The following FHAD1 variants were observed in gnomAD, a reference collection of about 807,000 sequenced individuals.
FHAD1 encodes forkhead associated phosphopeptide binding domain 1, also known as forkhead-associated domain-containing protein 1.
In FHAD1, 146 loss-of-function variants were observed where a neutral mutation model predicts 191.3. The observed-to-expected ratio is 0.76, with a 90% CI of 0.67 to 0.88. FHAD1 has a LOEUF of 0.88. FHAD1 is among the 40% of genes least tolerant of loss of function. FHAD1 has a pLI of 0.00. For synonymous variants in FHAD1, 616 were observed against 672.3 expected, an observed-to-expected ratio of 0.92 and a Z score of 1.29; for missense variants, 1,635 against 1,785.8, an observed-to-expected ratio of 0.92 and a Z score of 1.52.
At chr1:15,372,830 C>T (rs1030830979) in intron 26 of FHAD1, among the ~76,000 whole-genome samples, 3 of 152,186 alleles carry the variant, frequency 2.0e-5, no homozygotes, top group Non-Finnish European at 2.9e-5. Context: ...CAAATGAAAA[C>T]GGTTCCCAAC....
At chr1:15,273,533 A>G (rs1657017198) in intron 3 of FHAD1, among the ~76,000 whole-genome samples, 1 of 152,120 alleles carries the variant, frequency 6.6e-6, no homozygotes, top group Non-Finnish European at 1.5e-5. Context: ...ATAGAAGTAT[A>G]ATTTATGCAG....
intron 7 of FHAD1, among the ~76,000 whole-genome samples, chr1:15,309,815 C>G (rs1671693904): frequency 6.6e-6 from 1 of 152,104 alleles, no homozygotes; most frequent in Non-Finnish European, 1.5e-5. Flanking sequence ...GCAGGGATAT[C>G]TCTGAGGAGG....
upstream of FHAD1, among the ~76,000 whole-genome samples, chr1:15,245,562 T>C (rs1400683106): frequency 6.6e-6 from 1 of 152,272 alleles, no homozygotes. Context: ...GGCAGAAACG[T>C]GTGGGAAGCT....
At chr1:15,333,809 CTTTAT>C in intron 14 of FHAD1, among the ~76,000 whole-genome samples, 1 of 108,960 alleles carries the variant, frequency 9.2e-6, no homozygotes, top group Admixed American at 9.0e-5. Flanking sequence ...TGATTACCAT[CTTTAT>C]TTTATTTATC....
intron 4 of FHAD1, among the ~76,000 whole-genome samples, chr1:15,294,370 C>A (rs532107872): frequency 4.6e-5 from 7 of 152,204 alleles, no homozygotes; most frequent in African/African-American, 1.7e-4. Flanking sequence ...CATTTGGGGC[C>A]AGATAATTGT....
At chr1:15,319,126 A>G (rs1238943796) in intron 10 of FHAD1, among the ~76,000 whole-genome samples, 1 of 152,186 alleles carries the variant, frequency 6.6e-6, no homozygotes, top group Non-Finnish European at 1.5e-5. Context: ...CACCACGCCC[A>G]ACCACAACTG....
At chr1:15,262,702 A>G (rs535474252) in intron 2 of FHAD1, among the ~76,000 whole-genome samples, 1 of 152,332 alleles carries the variant, frequency 6.6e-6, no homozygotes, top group South Asian at 2.1e-4. Flanking sequence ...TTGTCTGTCC[A>G]TGGACACCTG....
intron 33 of FHAD1, among the ~76,000 whole-genome samples, chr1:15,395,858 ATTC>A (rs1417933705): frequency 2.0e-5 from 3 of 152,126 alleles, no homozygotes; most frequent in Admixed American, 6.5e-5. Context: ...GCCCAAGACT[ATTC>A]TTCTTCCAGT....
intron 24 of FHAD1, 53 bp downstream of exon 24, chr1:15,365,986 G>A (rs2102751538): frequency 2.3e-6 from 3 of 1,286,024 alleles, no homozygotes; most frequent in East Asian, 2.5e-5. Context: ...GAGAAAGGAA[G>A]GAGATGAGGC....
At chr1:15,282,138 G>A (rs1415379562) in intron 3 of FHAD1, among the ~76,000 whole-genome samples, 1 of 152,096 alleles carries the variant, frequency 6.6e-6, no homozygotes, top group Non-Finnish European at 1.5e-5. Context: ...CCCTGCCCCA[G>A]CCCCAGAATC....
At chr1:15,378,209 C>T (rs1410699156) in intron 28 of FHAD1, among the ~76,000 whole-genome samples, 1 of 152,126 alleles carries the variant, frequency 6.6e-6, no homozygotes, top group Non-Finnish European at 1.5e-5. Flanking sequence ...CACTTGAACC[C>T]GGGAGGCAGA....
At chr1:15,388,440 A>T (rs902755633) in intron 32 of FHAD1, 2 of 1,182,610 alleles carry the variant, frequency 1.7e-6, no homozygotes, top group Non-Finnish European at 2.1e-6. Flanking sequence ...GGCAGAGGGG[A>T]TATTCCAGCA....
chr1:15,390,778 C>T lies in FHAD1; in HGVS notation c.4270-432C>T, dbSNP rs186130191. ...TTCAAACAGGCCCCTAAAGGGAGTTCAACCATCATGGGCCCCACCATCCCT... is the reference window on the plus strand; with the variant it reads ...TTCAAACAGGCCCCTAAAGGGAGTTTAACCATCATGGGCCCCACCATCCCT... On this transcript the variant is annotated intron_variant, in intron 32 of 33. Coordinates refer to ENST00000688493, the MANE Select transcript of FHAD1 (RefSeq NM_001391957.1). 3.9e-3 allele frequency among the ~76,000 whole-genome samples: 591 copies of T among 152,320 alleles called. 5 individuals are homozygous for T. The highest frequency in any genetic ancestry group is 0.013 in the African/African-American group (527 of 41,574).
intron 2 of FHAD1, among the ~76,000 whole-genome samples, chr1:15,261,995 C>A (rs1651287054): frequency 6.6e-6 from 1 of 152,106 alleles, no homozygotes; most frequent in South Asian, 2.1e-4. Context: ...GGCAACATAG[C>A]AAGCCCCTGT....
chr1:15,386,452 G>A (rs1702105600), intron 31 of FHAD1, among the ~76,000 whole-genome samples: 2 of 152,254 alleles, frequency 1.3e-5, no homozygotes, highest in South Asian at 4.1e-4. Flanking sequence ...AATGGGCTAA[G>A]ACTGGGATTT....
chr1:15,328,491 G>C, intron 13 of FHAD1, 62 bp downstream of exon 13: 2 of 1,304,750 alleles, frequency 1.5e-6, no homozygotes, highest in Non-Finnish European at 2.0e-6. Flanking sequence ...CGGCTTATTT[G>C]GGAAATTGCC....
intron 3 of FHAD1, among the ~76,000 whole-genome samples, chr1:15,288,294 A>G (rs572884602): frequency 2.6e-5 from 4 of 152,262 alleles, no homozygotes; most frequent in Admixed American, 6.5e-5. Context: ...GGCACCAGGG[A>G]GAAACCACCA....
At chr1:15,328,051 A>G in intron 12 of FHAD1, 1 of 307,584 alleles carries the variant, frequency 3.3e-6, no homozygotes, top group Non-Finnish European at 5.9e-6. Flanking sequence ...AAAAAAAGAA[A>G]AGAAAAAAGA....
At chr1:15,253,712 G>A (rs879469289) in intron 2 of FHAD1, among the ~76,000 whole-genome samples, 8 of 152,150 alleles carry the variant, frequency 5.3e-5, no homozygotes, top group South Asian at 4.1e-4. Flanking sequence ...TTTTTTTGTC[G>A]CCTGCTTAGG....
Sources: allele counts gnomAD v4.1 joint callset (sites outside exome capture counted in the v4.1 genomes callset), GRCh38; gene constraint gnomAD v4.1.1; transcripts MANE v1.5; gene names NCBI Gene and HGNC (gene_info 2026-07-23, HGNC 2026-07-21).